E2F7: variants seen among roughly 807,000 people sequenced by gnomAD.
E2F7 encodes transcription factor E2F7.
A neutral mutation model predicts 81.1 loss-of-function variants in E2F7; 35 were observed. The observed-to-expected ratio is 0.43, with a 90% CI of 0.33 to 0.57. The LOEUF is 0.57. E2F7 is among the 20% of genes least tolerant of loss of function. The pLI is 0.04. For synonymous variants in E2F7, 416 were observed against 416.2 expected (o/e 1.00, Z 0.01); for missense variants, 961 against 1,093.7 (o/e 0.88, Z 1.71).
chr12:77,044,609 G>A (rs1306090052), intron 6 of E2F7, 28 bp downstream of exon 6: 1 of 1,610,480 alleles, frequency 6.2e-7, no homozygotes, highest in Admixed American at 1.7e-5. Flanking sequence ...TTATGTGCTA[G>A]TAAGTTGATG....
At chr12:77,025,378 A>G (rs989187328) in intron 12 of E2F7, among the ~76,000 whole-genome samples, 180 bp downstream of exon 12, 2 of 152,184 alleles carry the variant, frequency 1.3e-5, no homozygotes, top group Non-Finnish European at 2.9e-5. Flanking sequence ...AAAGCACAGG[A>G]TCTCTCACCT....
intron 9 of E2F7, among the ~76,000 whole-genome samples, chr12:77,031,371 T>C (rs764077941): frequency 2.6e-5 from 4 of 152,250 alleles, no homozygotes; most frequent in Non-Finnish European, 5.9e-5. Flanking sequence ...CCAGGCGTGG[T>C]GGCTCACGCC....
In E2F7 at chr12:77,022,791, T is replaced by C. The variant is rs1173303449; in HGVS notation, c.*1224A>G. ...GCGACTTAATGCACCCCTAAAGTAA[T>C]GTGGGTTAAAAAAGGGAAATTGCAT... On this transcript the variant is annotated 3_prime_UTR_variant, in exon 13 of 13. Coordinates refer to ENST00000322886, the MANE Select transcript of E2F7 (RefSeq NM_203394.3). 3 of 152,100 alleles carry C rather than the reference T, an allele frequency of 2.0e-5. No homozygotes were observed. The highest frequency in any genetic ancestry group is 4.8e-5 in the African/African-American group (2 of 41,418). The allele number at this position is 152,100 out of a possible 1,614,324, so 9.4% of individuals were successfully genotyped here.
In E2F7 at chr12:77,046,043, G is replaced by C. The variant is rs61754233; in HGVS notation, c.824C>G (p.Pro275Arg). The part of the protein sequence containing the change: ...QLLDFSEPDC[P>R]SSSANSRKDK... ...TGAAGTTACAATGGACTCACAAGAGGGACAGTCGGGTTCAGAGAAATCCAG... is the reference window on the plus strand; with the variant it reads ...TGAAGTTACAATGGACTCACAAGAGCGACAGTCGGGTTCAGAGAAATCCAG... Residue 275 changes from proline (P) to arginine (R), a missense_variant, in exon 5 of 13, where the codon CCC becomes CGC. Around this residue, in one of 3 missense-constraint regions of E2F7, gnomAD observed 301 missense variants for 405.0 expected, o/e 0.74. Coordinates refer to ENST00000322886, the MANE Select transcript of E2F7 (RefSeq NM_203394.3). 0.017 allele frequency: 27,989 copies of C among 1,613,336 alleles called. 289 individuals carry two copies. The highest frequency in any genetic ancestry group is 0.02 in the Non-Finnish European group (23,324 of 1,179,638).
chr12:77,031,565 C>T (rs1020803327), intron 9 of E2F7, among the ~76,000 whole-genome samples: 5 of 152,104 alleles, frequency 3.3e-5, no homozygotes, highest in Admixed American at 1.3e-4. Context: ...CGCTTGAACC[C>T]GGGAGGCGGA....
chr12:77,049,027 C>A (rs1254651057), intron 4 of E2F7, among the ~76,000 whole-genome samples: 1 of 152,166 alleles, frequency 6.6e-6, no homozygotes, highest in African/African-American at 2.4e-5. Context: ...GACCCAAAAG[C>A]CCTCAACTGG....
chr12:77,053,793 G>A (rs1955008841), intron 3 of E2F7, among the ~76,000 whole-genome samples: 1 of 152,170 alleles, frequency 6.6e-6, no homozygotes, highest in Non-Finnish European at 1.5e-5. Context: ...GATGTATGTT[G>A]ATTGACAAAA....
At chr12:77,059,960 CAAAA>C (rs59663589) in intron 2 of E2F7, among the ~76,000 whole-genome samples, 37 of 77,182 alleles carry the variant, frequency 4.8e-4, no homozygotes, top group South Asian at 3.7e-3. Context: ...GATTCTGTCT[CAAAA>C]AAAAAAAAAA....
At chr12:77,044,613 G>T in intron 6 of E2F7, 24 bp downstream of exon 6, 1 of 1,611,592 alleles carries the variant, frequency 6.2e-7, no homozygotes, top group Non-Finnish European at 8.5e-7. Context: ...GTGCTAGTAA[G>T]TTGATGGAGG....
intron 4 of E2F7, among the ~76,000 whole-genome samples, chr12:77,047,518 C>T (rs1954953212): frequency 6.6e-6 from 1 of 152,194 alleles, no homozygotes; most frequent in African/African-American, 2.4e-5. Flanking sequence ...CAAAAGCCTC[C>T]AGGCATCTTG....
rs771767152 is a variant in E2F7, at chr12:77,021,450, T to C, written c.*2565A>G. 6.6e-6 allele frequency: 1 copy of C among 152,598 alleles called. No individual in the cohort carries two copies. Among genetic ancestry groups the C allele is most frequent in the Non-Finnish European group, 1.5e-5 (1 of 68,034 alleles). 9.5% of individuals were successfully genotyped at this position (152,598 alleles called of 1,614,324 possible). On this transcript the variant is annotated 3_prime_UTR_variant, in exon 13 of 13. Coordinates refer to ENST00000322886, the MANE Select transcript of E2F7 (RefSeq NM_203394.3). The stretch of plus-strand genomic sequence containing the variant: ...AGTAAGCAGCAATAAAATTAATACC[T>C]ACATACAACTAGCAGTGCAATAAGA...
At chr12:77,043,872 A>G (rs1954916125) in intron 6 of E2F7, among the ~76,000 whole-genome samples, 1 of 152,182 alleles carries the variant, frequency 6.6e-6, no homozygotes, top group African/African-American at 2.4e-5. Context: ...AATGACCACA[A>G]AGTATTTTCT....
chr12:77,043,221 T>G, intron 6 of E2F7, 22 bp from the exon 7 acceptor site: 3 of 1,613,852 alleles, frequency 1.9e-6, no homozygotes, highest in Non-Finnish European at 2.5e-6. Flanking sequence ...AAAACACGAT[T>G]ACGGTCATGC....
chr12:77,029,802 A>T (rs759411272), intron 10 of E2F7, 29 bp downstream of exon 10: 1 of 1,611,042 alleles, frequency 6.2e-7, no homozygotes, highest in Non-Finnish European at 8.5e-7. Context: ...ACAGGATGTC[A>T]CCAGACACAT....
chr12:77,025,080 CATT>C (rs1287586482), intron 12 of E2F7, among the ~76,000 whole-genome samples: 6 of 146,402 alleles, frequency 4.1e-5, no homozygotes, highest in Admixed American at 2.7e-4. Context: ...TACATACAGA[CATT>C]ATACACACAC....
In E2F7 at chr12:77,055,898, C is replaced by T. The variant is rs138309192; in HGVS notation, c.326G>A (p.Arg109Gln). 2.4e-5 allele frequency: 38 copies of T among 1,613,996 alleles called. No homozygotes were observed. Among genetic ancestry groups the T allele is most frequent in the Middle Eastern group, 1.7e-4 (1 of 6,060 alleles). Residue 109 changes from arginine to glutamine, a missense_variant, in exon 3 of 13, where the codon CGA becomes CAA. Transcript: ENST00000322886. ...TGCATCGTCCTTGTTTTCAATGGGT[C>T]GGAATAGTCCCTTTTTCTTCTCCCG... is the stretch of plus-strand genomic sequence containing the variant. ...RDREKKKGLFRPIENKDDAFT... is the reference protein window; with the variant it reads ...RDREKKKGLFQPIENKDDAFT...
intron 2 of E2F7, among the ~76,000 whole-genome samples, chr12:77,056,473 T>A (rs905611159): frequency 6.6e-6 from 1 of 152,226 alleles, no homozygotes; most frequent in African/African-American, 2.4e-5. Flanking sequence ...TCACCTTTTT[T>A]AAAACACTAC....
In E2F7 at chr12:77,024,195, G is replaced by A. The variant is rs1565891619; in HGVS notation, c.2566-10C>T. On this transcript the variant is annotated splice_polypyrimidine_tract_variant and intron_variant, in intron 12 of 12. Coordinates refer to ENST00000322886, the MANE Select transcript of E2F7 (RefSeq NM_203394.3). ...TCACTGGAACTGGTGACTGAAAAAAGAAAAAAGAAAAAACAGAAGTGAAGT... is the reference window on the plus strand; with the variant it reads ...TCACTGGAACTGGTGACTGAAAAAAAAAAAAAGAAAAAACAGAAGTGAAGT... 20 of 1,602,822 alleles carry A rather than the reference G, an allele frequency of 1.2e-5. No homozygotes were observed. Among genetic ancestry groups the A allele is most frequent in the Admixed American group, 1.2e-4 (7 of 56,310 alleles).
chr12:77,047,175 T>C (rs1954950209), intron 4 of E2F7, among the ~76,000 whole-genome samples: 1 of 152,176 alleles, frequency 6.6e-6, no homozygotes, highest in Non-Finnish European at 1.5e-5. Flanking sequence ...CTAGCAAAAA[T>C]ACTTATAGTT....
Sources: gnomAD v4.1 joint callset for allele counts (sites outside exome capture counted in the v4.1 genomes callset) on GRCh38, gnomAD v4.1.1 for gene constraint, gnomAD v4.1.1 regional missense constraint, MANE v1.5 for transcripts, NCBI Gene and HGNC (gene_info 2026-07-23, HGNC 2026-07-21) for gene names.